Variants in SMYD2 observed in about 807,000 individuals in gnomAD.
SMYD2 encodes the protein SET and MYND domain containing 2, also known as N-lysine methyltransferase SMYD2.
A neutral mutation model predicts 59.1 loss-of-function variants in SMYD2; 53 were observed. The observed-to-expected ratio is 0.90, with a 90% confidence interval of 0.72 to 1.13. The LOEUF (loss-of-function observed/expected upper bound fraction) is 1.13, where lower values mean the gene tolerates loss of function less well. Among genes scored for constraint, SMYD2 ranks in the 50% most tolerant of loss-of-function variants. The probability of loss-of-function intolerance (pLI) is 0.00; values close to 1 mark genes in which losing one functional copy is unlikely to be tolerated. For missense variants in SMYD2, 494 were observed against 544.7 expected, an observed-to-expected ratio of 0.91 and a Z score of 0.93; for synonymous variants, 208 against 198.8, an observed-to-expected ratio of 1.05 and a Z score of -0.39.
chr1:214,316,563 A>G (rs147362502), intron 3 of SMYD2, among the ~76,000 whole-genome samples: 1 of 152,176 alleles, frequency 6.6e-6, no homozygotes, highest in East Asian at 1.9e-4. Flanking sequence ...CTCCACCCTT[A>G]AAATTTTTCT....
At chr1:214,325,119 C>T (rs938353490) in intron 6 of SMYD2, among the ~76,000 whole-genome samples, 22 of 152,204 alleles carry the variant, frequency 1.4e-4, no homozygotes, top group African/African-American at 4.3e-4. Context: ...GCTTCTTCTC[C>T]ATCTGTCCTT....
intron 1 of SMYD2, among the ~76,000 whole-genome samples, chr1:214,293,927 C>T (rs866704250): frequency 2.8e-4 from 43 of 151,862 alleles, no homozygotes; most frequent in Admixed American, 5.2e-4. Flanking sequence ...CCGCCTGCCT[C>T]GGCCTCCCAA....
chr1:214,285,076 C>T (rs910374992), intron 1 of SMYD2, among the ~76,000 whole-genome samples: 1 of 152,022 alleles, frequency 6.6e-6, no homozygotes, highest in Admixed American at 6.6e-5. Context: ...CTGTTAGAAC[C>T]CAGTTTCAGT....
chr1:214,317,077 A>G (rs1313011715), intron 3 of SMYD2, among the ~76,000 whole-genome samples: 1 of 152,182 alleles, frequency 6.6e-6, no homozygotes, highest in African/African-American at 2.4e-5. Flanking sequence ...CTGAATGAAA[A>G]GCTTTCCCAA....
At chr1:214,314,963 C>G in intron 3 of SMYD2, 91 bp downstream of exon 3, 1 of 930,546 alleles carries the variant, frequency 1.1e-6, no homozygotes, top group Non-Finnish European at 1.7e-6. Flanking sequence ...GTAACCATCT[C>G]TCGTTAAACA....
At chr1:214,315,063 A>G (rs1657062935) in intron 3 of SMYD2, among the ~76,000 whole-genome samples, 191 bp downstream of exon 3, 1 of 152,164 alleles carries the variant, frequency 6.6e-6, no homozygotes, top group South Asian at 2.1e-4. Flanking sequence ...GCCCTGTGCA[A>G]TTAGGATGTT....
At chr1:214,302,853 C>T (rs1414767953) in intron 1 of SMYD2, among the ~76,000 whole-genome samples, 1 of 152,064 alleles carries the variant, frequency 6.6e-6, no homozygotes, top group African/African-American at 2.4e-5. Context: ...TTAATCCTTG[C>T]TTTTTTTGTA....
At chr1:214,298,637 CTG>C (rs889941531) in intron 1 of SMYD2, among the ~76,000 whole-genome samples, 2 of 152,264 alleles carry the variant, frequency 1.3e-5, no homozygotes, top group Middle Eastern at 3.4e-3. Context: ...TATTCACAAA[CTG>C]TGCATCTGAC....
intron 2 of SMYD2, among the ~76,000 whole-genome samples, chr1:214,308,757 G>C (rs905796387): frequency 6.6e-6 from 1 of 151,880 alleles, no homozygotes; most frequent in Non-Finnish European, 1.5e-5. Context: ...ATAAGAAAAC[G>C]TAGTCCCAAG....
At chr1:214,319,131 C>A in intron 5 of SMYD2, 148 bp downstream of exon 5, 3 of 1,074,694 alleles carry the variant, frequency 2.8e-6, no homozygotes, top group Non-Finnish European at 4.0e-6. Context: ...CCGTGTGTTG[C>A]CATAGCCTTG....
At chr1:214,331,145 CAGG>C in intron 9 of SMYD2, 75 bp downstream of exon 9, 6 of 1,591,330 alleles carry the variant, frequency 3.8e-6, no homozygotes, top group Admixed American at 3.4e-5. Context: ...AAAGAGGGAG[CAGG>C]AGAAGGATGG....
At chr1:214,300,985 C>T (rs1160551793) in intron 1 of SMYD2, among the ~76,000 whole-genome samples, 2 of 152,152 alleles carry the variant, frequency 1.3e-5, no homozygotes, top group South Asian at 2.1e-4. Context: ...TCAAGTTAAA[C>T]AGAAAATTAT....
intron 2 of SMYD2, among the ~76,000 whole-genome samples, chr1:214,308,521 AAGT>A (rs773806638): frequency 6.6e-6 from 1 of 152,286 alleles, no homozygotes; most frequent in Non-Finnish European, 1.5e-5. Context: ...CATGGGATCA[AAGT>A]AGAGGCTCTG....
intron 9 of SMYD2, chr1:214,331,311 GGA>G: frequency 8.6e-6 from 4 of 462,804 alleles, no homozygotes; most frequent in Non-Finnish European, 1.5e-5. Context: ...ATGTGGTGGA[GGA>G]CCATGAAGGA....
chr1:214,295,573 T>G (rs534156933), intron 1 of SMYD2, among the ~76,000 whole-genome samples: 27 of 152,292 alleles, frequency 1.8e-4, no homozygotes, highest in Middle Eastern at 6.8e-3. Flanking sequence ...GTTGCTACCT[T>G]ACTGCCCTAA....
chr1:214,327,448 T>TAGG (rs2102476646), intron 6 of SMYD2, 174 bp from the exon 7 acceptor site: 1 of 554,024 alleles, frequency 1.8e-6, no homozygotes, highest in Admixed American at 3.1e-5. Flanking sequence ...AGATGGTAGA[T>TAGG]AGGATTATCA....
At chr1:214,321,277 CACAT>C (rs1293778185) in intron 5 of SMYD2, among the ~76,000 whole-genome samples, 2 of 152,134 alleles carry the variant, frequency 1.3e-5, no homozygotes, top group Non-Finnish European at 2.9e-5. Flanking sequence ...TATGCATACA[CACAT>C]ACACGTAACT....
chr1:214,300,912 A>G (rs1454279525), intron 1 of SMYD2, among the ~76,000 whole-genome samples: 3 of 152,216 alleles, frequency 2.0e-5, no homozygotes, highest in Non-Finnish European at 2.9e-5. Flanking sequence ...ACTCTTAAAA[A>G]TTATTGAGAA....
At chr1:214,306,599 A>G (rs967876708) in intron 2 of SMYD2, among the ~76,000 whole-genome samples, 1 of 152,214 alleles carries the variant, frequency 6.6e-6, no homozygotes, top group Non-Finnish European at 1.5e-5. Flanking sequence ...TGAAGAGGAA[A>G]GATCATACTT....
Sources: gnomAD v4.1 joint callset for allele counts (sites outside exome capture counted in the v4.1 genomes callset) on GRCh38, gnomAD v4.1.1 for gene constraint, MANE v1.5 for transcripts, NCBI Gene and HGNC (gene_info 2026-07-23, HGNC 2026-07-21) for gene names.